The following PRKCB variants were observed in gnomAD, a reference collection of about 807,000 sequenced individuals.
The protein encoded by PRKCB is protein kinase C beta type.
PRKCB carries 13 observed loss-of-function variants against 81.5 expected under a neutral mutation model. The observed-to-expected ratio is 0.16, with a 90% CI of 0.10 to 0.25. The LOEUF (loss-of-function observed/expected upper bound fraction) is 0.25, where lower values mean the gene tolerates loss of function less well. Ranked by LOEUF, PRKCB falls within the 10% of genes least tolerant of loss-of-function variation. The probability of loss-of-function intolerance (pLI) is 1.00; values close to 1 mark genes in which losing one functional copy is unlikely to be tolerated. For synonymous variants in PRKCB, 335 were observed against 321.4 expected (o/e 1.04, Z -0.45); for missense variants, 509 against 875.7 (o/e 0.58, Z 5.29).
At chr16:23,836,592 C>A (rs1012393880) in intron 1 of PRKCB, among the ~76,000 whole-genome samples, 3 of 152,046 alleles carry the variant, frequency 2.0e-5, no homozygotes, top group South Asian at 2.1e-4. Flanking sequence ...TGCTCTCAGG[C>A]GCCTCTAGAG....
intron 5 of PRKCB, among the ~76,000 whole-genome samples, chr16:24,048,494 CTTT>C (rs35642171): frequency 6.9e-6 from 1 of 144,960 alleles, no homozygotes; most frequent in African/African-American, 2.5e-5. Flanking sequence ...TCTTTTCTTT[CTTT>C]TTTTTTTTTT....
intron 2 of PRKCB, among the ~76,000 whole-genome samples, chr16:23,864,779 G>A (rs79123984): frequency 2.6e-5 from 4 of 151,952 alleles, no homozygotes; most frequent in Admixed American, 2.0e-4. Flanking sequence ...GTGCAGTTTC[G>A]TTACGTGGTT....
chr16:23,992,956 C>T (rs1386174269), intron 3 of PRKCB, among the ~76,000 whole-genome samples: 1 of 152,112 alleles, frequency 6.6e-6, no homozygotes, highest in Non-Finnish European at 1.5e-5. Context: ...CATCCCCACT[C>T]AGGGTGGCAT....
rs41280844 is a variant in PRKCB, at chr16:24,214,994, G to A, written c.*178G>A. ...GTAGTTTGGAGCATCTCTATGAGAT[G>A]GGATTATGCAGATGGCCTATGGAAA... On this transcript the variant is annotated 3_prime_UTR_variant, in exon 17 of 17. Transcript: ENST00000643927. The A allele has an allele frequency of 8.4e-3, 11,819 of 1,412,368 alleles. 52 individuals are homozygous for A. The highest frequency in any genetic ancestry group is 9.4e-3 in the Non-Finnish European group (10,237 of 1,086,368). The allele number at this position is 1,412,368 out of a possible 1,614,324, so 87.5% of individuals were successfully genotyped here. A position where few individuals can be genotyped will look rare whatever the true frequency, so the allele number is the denominator to read the frequency against.
chr16:24,195,543 T>C (rs1025230942), intron 16 of PRKCB, among the ~76,000 whole-genome samples: 1 of 152,256 alleles, frequency 6.6e-6, no homozygotes, highest in African/African-American at 2.4e-5. Context: ...TGGAGGTTCA[T>C]TAAAATAACT....
intron 2 of PRKCB, among the ~76,000 whole-genome samples, chr16:23,875,575 AACACATATGTATATCAC>A (rs71154249): frequency 0.011 from 104 of 9,874 alleles, 20 homozygotes; most frequent in African/African-American, 0.034. Context: ...GTGTATATCA[AACACATATGTATATCAC>A]ACACATATGT....
chr16:23,896,424 A>G (rs187837019), intron 2 of PRKCB, among the ~76,000 whole-genome samples: 2 of 152,340 alleles, frequency 1.3e-5, no homozygotes, highest in Admixed American at 1.3e-4. Flanking sequence ...TATTTGATGT[A>G]AACCTGGTCT....
At chr16:24,151,707 G>C in intron 9 of PRKCB, 1 of 437,618 alleles carries the variant, frequency 2.3e-6, no homozygotes, top group Non-Finnish European at 4.6e-6. Flanking sequence ...GAAAGAACAG[G>C]ATGTGGTCAT....
At chr16:23,882,025 C>CTTTCTTTCTCTTT (rs1597226197) in intron 2 of PRKCB, among the ~76,000 whole-genome samples, 6 of 18,362 alleles carry the variant, frequency 3.3e-4, no homozygotes, top group Admixed American at 7.9e-4. Context: ...TTTCTTTCTT[C>CTTTCTTTCTCTTT]CTTCCTTCCT....
intron 3 of PRKCB, among the ~76,000 whole-genome samples, chr16:24,023,442 C>G (rs1273148482): frequency 1.3e-5 from 2 of 152,170 alleles, no homozygotes; most frequent in African/African-American, 4.8e-5. Flanking sequence ...GATCTCGGCT[C>G]ACTGCAAGCT....
chr16:24,180,186 A>T (rs1181889651), intron 12 of PRKCB, among the ~76,000 whole-genome samples: 1 of 152,044 alleles, frequency 6.6e-6, no homozygotes, highest in East Asian at 1.9e-4. Context: ...CTTGTGATCC[A>T]CCTGCCTTGG....
intron 2 of PRKCB, among the ~76,000 whole-genome samples, chr16:23,966,857 G>A (rs196010): frequency 0.49 from 74,649 of 152,010 alleles, 18,684 homozygotes; most frequent in Admixed American, 0.55. Flanking sequence ...CCTTGGAGTT[G>A]ATGTTGTAGT....
At chr16:24,023,261 A>T (rs928686514) in intron 3 of PRKCB, among the ~76,000 whole-genome samples, 2 of 152,178 alleles carry the variant, frequency 1.3e-5, no homozygotes, top group Non-Finnish European at 2.9e-5. Context: ...CCATAGAGGG[A>T]GTGATGGCTT....
At chr16:24,060,953 G>A (rs1298277290) in intron 5 of PRKCB, among the ~76,000 whole-genome samples, 1 of 152,146 alleles carries the variant, frequency 6.6e-6, no homozygotes, top group African/African-American at 2.4e-5. Flanking sequence ...CTTGTTTAAT[G>A]TTTGTATCTT....
At chr16:23,944,035 G>A (rs7206254) in intron 2 of PRKCB, among the ~76,000 whole-genome samples, 4,319 of 152,168 alleles carry the variant, frequency 0.028, 195 homozygotes, top group African/African-American at 0.098. Flanking sequence ...TCATCTTCAT[G>A]TATGCTCTTA....
intron 2 of PRKCB, among the ~76,000 whole-genome samples, chr16:23,905,234 C>T (rs1032756273): frequency 6.6e-6 from 1 of 152,014 alleles, no homozygotes; most frequent in African/African-American, 2.4e-5. Flanking sequence ...CTGAGTTTGG[C>T]CTTACGTCTG....
At chr16:23,989,890 G>C (rs866264493) in intron 3 of PRKCB, among the ~76,000 whole-genome samples, 1 of 152,140 alleles carries the variant, frequency 6.6e-6, no homozygotes, top group African/African-American at 2.4e-5. Flanking sequence ...CTGCTAATGG[G>C]AACTGAGGGG....
chr16:23,939,858 T>G lies in PRKCB; in HGVS notation c.206-48650T>G, dbSNP rs543025735. Among the ~76,000 whole-genome samples, 38 of 152,318 alleles carry G rather than the reference T, an allele frequency of 2.5e-4. 1 individual carries two copies. Among genetic ancestry groups the G allele is most frequent in the Admixed American group, 2.2e-3 (34 of 15,286 alleles). On this transcript the variant is annotated intron_variant, in intron 2 of 16. Coordinates refer to ENST00000643927, the MANE Select transcript of PRKCB (RefSeq NM_002738.7). ...AAAGGAAAAATTGAATAGTCGGACT[T>G]CATCGAAACTAAACGCTATTGTTCT... is the stretch of plus-strand genomic sequence containing the variant.
At chr16:24,175,274 C>T (rs745724612) in intron 12 of PRKCB, among the ~76,000 whole-genome samples, 7 of 151,950 alleles carry the variant, frequency 4.6e-5, no homozygotes, top group Admixed American at 1.3e-4. Context: ...ATGAGGCCTC[C>T]AAATAGCATT....
Sources: allele counts gnomAD v4.1 joint callset (sites outside exome capture counted in the v4.1 genomes callset), GRCh38; gene constraint gnomAD v4.1.1; transcripts MANE v1.5; gene names NCBI Gene and HGNC (gene_info 2026-07-23, HGNC 2026-07-21).